ELP4: variants seen among roughly 807,000 people sequenced by gnomAD.
ELP4 encodes elongator acetyltransferase complex subunit 4.
ELP4 carries 51 observed loss-of-function variants against 48.9 expected under a neutral mutation model. That is an observed-to-expected ratio of 1.04 (90% CI 0.83 to 1.32). ELP4 has a LOEUF of 1.32. ELP4 is among the 40% of genes most tolerant of loss of function. The pLI, the probability that ELP4 is intolerant of heterozygous loss-of-function variation, is 0.00. For synonymous variants in ELP4, 210 were observed against 189.2 expected (o/e 1.11, Z -0.90); for missense variants, 519 against 514.6 (o/e 1.01, Z -0.08).
chr11:31,638,464 G>A (rs911522161), intron 7 of ELP4, among the ~76,000 whole-genome samples: 5 of 151,722 alleles, frequency 3.3e-5, no homozygotes, highest in African/African-American at 7.2e-5. Context: ...AATTTGATCT[G>A]TAGAATTTTT....
At chr11:31,640,211 G>A (rs138541398) in intron 7 of ELP4, among the ~76,000 whole-genome samples, 2 of 151,936 alleles carry the variant, frequency 1.3e-5, no homozygotes, top group South Asian at 2.1e-4. Flanking sequence ...CACTTTTTGT[G>A]TATAGAAAAC....
intron 3 of ELP4, among the ~76,000 whole-genome samples, chr11:31,587,816 G>A (rs1565068035): frequency 6.6e-6 from 1 of 152,020 alleles, no homozygotes; most frequent in African/African-American, 2.4e-5. Context: ...CATTTTTAAA[G>A]ATAGCTTTAA....
At chr11:31,524,445 T>C (rs1415781440) in intron 2 of ELP4, among the ~76,000 whole-genome samples, 1 of 152,194 alleles carries the variant, frequency 6.6e-6, no homozygotes, top group East Asian at 1.9e-4. Context: ...AGAGAGAATG[T>C]CCCTCAGCAA....
chr11:31,661,228 A>C (rs1218066682), intron 9 of ELP4, among the ~76,000 whole-genome samples: 2 of 152,064 alleles, frequency 1.3e-5, no homozygotes, highest in Non-Finnish European at 1.5e-5. Flanking sequence ...GGATTAACAA[A>C]AGTAATTTAA....
chr11:31,666,001 A>ATT, intron 9 of ELP4, among the ~76,000 whole-genome samples: 1 of 111,912 alleles, frequency 8.9e-6, no homozygotes, highest in Non-Finnish European at 1.8e-5. Flanking sequence ...TAAGTTTCAA[A>ATT]TTCTTTTTTT....
At chr11:31,550,390 AG>A (rs1956828347) in intron 3 of ELP4, among the ~76,000 whole-genome samples, 1 of 152,182 alleles carries the variant, frequency 6.6e-6, no homozygotes. Flanking sequence ...GACTTCAAAA[AG>A]TTTGTGGAAA....
intron 9 of ELP4, chr11:31,681,680 T>G (rs1946053495): frequency 6.5e-6 from 1 of 154,510 alleles, no homozygotes; most frequent in African/African-American, 2.4e-5. Flanking sequence ...AGGAAATGGT[T>G]ACAGTGCATG....
intron 5 of ELP4, among the ~76,000 whole-genome samples, chr11:31,622,572 T>G (rs2134029524): frequency 6.6e-6 from 1 of 151,800 alleles, no homozygotes; most frequent in East Asian, 1.9e-4. Context: ...TTTTTTATCT[T>G]TCTTAATAAG....
intron 3 of ELP4, among the ~76,000 whole-genome samples, chr11:31,593,387 A>G (rs1356284440): frequency 1.3e-5 from 2 of 152,004 alleles, no homozygotes; most frequent in East Asian, 1.9e-4. Context: ...CACTACAGCC[A>G]TGTGCCACCA....
At chr11:31,609,448 G>C (rs1957934427) in intron 5 of ELP4, among the ~76,000 whole-genome samples, 1 of 152,084 alleles carries the variant, frequency 6.6e-6, no homozygotes, top group Non-Finnish European at 1.5e-5. Flanking sequence ...CCGGGAGGTG[G>C]GGTCAACATG....
chr11:31,611,222 G>A (rs1022016771), intron 5 of ELP4, among the ~76,000 whole-genome samples: 1 of 152,184 alleles, frequency 6.6e-6, no homozygotes, highest in South Asian at 2.1e-4. Flanking sequence ...TCTGTGCTGT[G>A]TAATGTAGTG....
intron 9 of ELP4, among the ~76,000 whole-genome samples, chr11:31,764,305 G>T (rs1224642024): frequency 6.6e-6 from 1 of 152,160 alleles, no homozygotes; most frequent in Non-Finnish European, 1.5e-5. Flanking sequence ...ACCTTTGAAA[G>T]TCTCTGCCGA....
chr11:31,693,152 G>A (rs987187969), intron 9 of ELP4, among the ~76,000 whole-genome samples: 1 of 151,310 alleles, frequency 6.6e-6, no homozygotes, highest in African/African-American at 2.4e-5. Flanking sequence ...TCTTAAACTC[G>A]TTTTTTTATT....
chr11:31,573,540 A>ACTG (rs1281750133), intron 3 of ELP4: 1 of 152,124 alleles, frequency 6.6e-6, no homozygotes, highest in Non-Finnish European at 1.5e-5. Context: ...TGGCTTGTAG[A>ACTG]CTGCTGCTTT....
At chr11:31,761,000 C>G (rs1307493912) in intron 9 of ELP4, among the ~76,000 whole-genome samples, 2 of 152,080 alleles carry the variant, frequency 1.3e-5, no homozygotes, top group African/African-American at 4.8e-5. Flanking sequence ...CTTTAGCTCT[C>G]TTAGGAATTA....
At chr11:31,662,029 A>G (rs1341653111) in intron 9 of ELP4, among the ~76,000 whole-genome samples, 2 of 152,136 alleles carry the variant, frequency 1.3e-5, no homozygotes, top group Non-Finnish European at 2.9e-5. Flanking sequence ...ACAAATTCCA[A>G]TCTGGTTCTT....
chr11:31,555,126 C>T (rs963729274), intron 3 of ELP4, among the ~76,000 whole-genome samples: 1 of 151,942 alleles, frequency 6.6e-6, no homozygotes, highest in African/African-American at 2.4e-5. Flanking sequence ...GGGGGATATC[C>T]GTGGGGACGA....
chr11:31,511,196 A>G (rs1955995702), intron 1 of ELP4: 1 of 152,190 alleles, frequency 6.6e-6, no homozygotes, highest in African/African-American at 2.4e-5. Flanking sequence ...GTTGCATGGT[A>G]CTGTAAATAG....
At chr11:31,584,671 G>A (rs1021833557) in intron 3 of ELP4, among the ~76,000 whole-genome samples, 9 of 151,898 alleles carry the variant, frequency 5.9e-5, no homozygotes, top group Admixed American at 1.3e-4. Context: ...GGGATTACAC[G>A]CACCCGCCAT....
Sources: allele counts gnomAD v4.1 joint callset (sites outside exome capture counted in the v4.1 genomes callset), GRCh38; gene constraint gnomAD v4.1.1; transcripts MANE v1.5; gene names NCBI Gene and HGNC (gene_info 2026-07-23, HGNC 2026-07-21).